Variants in NTM observed in about 807,000 individuals in gnomAD.
NTM encodes neurotrimin.
Under a neutral mutation model 42.1 loss-of-function variants are expected in NTM, and 13 were observed. The ratio of observed to expected loss-of-function variants is 0.31; its 90% CI spans 0.20 to 0.49. NTM has a LOEUF of 0.49. Ranked by LOEUF, NTM falls within the 20% of genes least tolerant of loss-of-function variation. The pLI is 0.99. For missense variants in NTM, 373 were observed against 452.8 expected, an observed-to-expected ratio of 0.82 and a Z score of 1.60; for synonymous variants, 187 against 179.2, an observed-to-expected ratio of 1.04 and a Z score of -0.35.
intron 4 of NTM, among the ~76,000 whole-genome samples, chr11:132,277,488 C>A (rs1349683839): frequency 2.0e-5 from 3 of 152,156 alleles, no homozygotes; most frequent in Non-Finnish European, 2.9e-5. Context: ...AGATTTTCCT[C>A]TAATTTGCTT....
At chr11:131,777,331 G>C (rs967070383) in intron 1 of NTM, among the ~76,000 whole-genome samples, 1 of 151,972 alleles carries the variant, frequency 6.6e-6, no homozygotes, top group Non-Finnish European at 1.5e-5. Context: ...CTTTATTGTG[G>C]ACAATATGAT....
chr11:132,076,001 T>A (rs2058315261), intron 2 of NTM, among the ~76,000 whole-genome samples: 1 of 151,946 alleles, frequency 6.6e-6, no homozygotes, highest in East Asian at 1.9e-4. Context: ...TCATCATTTA[T>A]TTTTTTTAAA....
At chr11:131,385,678 T>A (rs1943228764) in intron 1 of NTM, among the ~76,000 whole-genome samples, 1 of 151,584 alleles carries the variant, frequency 6.6e-6, no homozygotes, top group Non-Finnish European at 1.5e-5. Flanking sequence ...TACAGAAAAA[T>A]CTCATCTCTA....
chr11:132,078,543 G>T (rs781591767), intron 2 of NTM, among the ~76,000 whole-genome samples: 6 of 152,204 alleles, frequency 3.9e-5, no homozygotes, highest in Non-Finnish European at 5.9e-5. Context: ...GAGGGGAACT[G>T]GGAGTCTGAA....
chr11:131,844,135 T>C (rs2044636274), intron 1 of NTM, among the ~76,000 whole-genome samples: 2 of 152,202 alleles, frequency 1.3e-5, no homozygotes, highest in African/African-American at 4.8e-5. Flanking sequence ...CCTGCTTATA[T>C]TTGTATTCTA....
chr11:131,650,400 G>A (rs910044901), intron 1 of NTM, among the ~76,000 whole-genome samples: 1 of 152,184 alleles, frequency 6.6e-6, no homozygotes, highest in Non-Finnish European at 1.5e-5. Context: ...ATGTTGGTCT[G>A]CATTTGTCTT....
chr11:131,880,073 C>T (rs576829936), intron 1 of NTM, among the ~76,000 whole-genome samples: 13 of 152,250 alleles, frequency 8.5e-5, no homozygotes, highest in South Asian at 8.3e-4. Flanking sequence ...CTTTCTATTC[C>T]GCCTCCCTAC....
At chr11:131,543,578 G>A (rs1248845770) in intron 1 of NTM, among the ~76,000 whole-genome samples, 2 of 152,156 alleles carry the variant, frequency 1.3e-5, no homozygotes, top group Non-Finnish European at 2.9e-5. Flanking sequence ...AGACCTTGGG[G>A]GTTTGCCTGG....
chr11:131,598,754 T>TG (rs1565685590), intron 1 of NTM, among the ~76,000 whole-genome samples: 7 of 53,898 alleles, frequency 1.3e-4, no homozygotes, highest in African/African-American at 4.5e-4. Context: ...TTTCTTTCTT[T>TG]CTTCTTTCTT....
chr11:131,815,594 C>T lies in NTM; in HGVS notation c.83-95970C>T, dbSNP rs193210466. Among the ~76,000 whole-genome samples the T allele has an allele frequency of 3.3e-3, 495 of 152,230 alleles. 5 individuals are homozygous for T. The highest frequency in any genetic ancestry group is 0.011 in the African/African-American group (475 of 41,540). ...GAAACCAAATTTGTCCTGTGCTCTG[C>T]AGAGGAAAGGGGGTGGCTTACCCAA... On this transcript the variant is annotated intron_variant, in intron 1 of 8. Transcript: ENST00000683400.
At chr11:131,688,950 C>T (rs978167176) in intron 1 of NTM, among the ~76,000 whole-genome samples, 9 of 152,180 alleles carry the variant, frequency 5.9e-5, no homozygotes, top group African/African-American at 2.2e-4. Flanking sequence ...TGTTAGAGCC[C>T]TGGTGCGTTC....
intron 1 of NTM, among the ~76,000 whole-genome samples, chr11:131,764,566 TGAGC>T (rs1423345049): frequency 6.6e-6 from 1 of 152,204 alleles, no homozygotes; most frequent in Non-Finnish European, 1.5e-5. Flanking sequence ...TGGGTGACCT[TGAGC>T]AAATTACCTA....
At chr11:131,938,172 CAT>C (rs1214627976) in intron 2 of NTM, among the ~76,000 whole-genome samples, 3 of 152,140 alleles carry the variant, frequency 2.0e-5, no homozygotes, top group Non-Finnish European at 4.4e-5. Context: ...AGATGATAAA[CAT>C]ATAATTACAC....
At chr11:131,789,225 T>C (rs2089778504) in intron 1 of NTM, among the ~76,000 whole-genome samples, 1 of 151,754 alleles carries the variant, frequency 6.6e-6, no homozygotes, top group Admixed American at 6.6e-5. Context: ...TGGTTCCCTC[T>C]ACACAAGAGT....
At chr11:131,807,515 G>A (rs990025784) in intron 1 of NTM, among the ~76,000 whole-genome samples, 3 of 152,208 alleles carry the variant, frequency 2.0e-5, no homozygotes, top group Admixed American at 6.5e-5. Flanking sequence ...GTGTCTTTAC[G>A]CAAGTTAATT....
intron 8 of NTM, among the ~76,000 whole-genome samples, chr11:132,334,032 T>A: frequency 6.6e-6 from 1 of 150,726 alleles, no homozygotes; most frequent in East Asian, 1.9e-4. Context: ...CAGCTTTAAA[T>A]ACCTCTATTA....
intron 2 of NTM, among the ~76,000 whole-genome samples, chr11:132,074,181 AT>A (rs1225824860): frequency 6.6e-6 from 1 of 152,218 alleles, no homozygotes; most frequent in Non-Finnish European, 1.5e-5. Flanking sequence ...TTGGTAGGCT[AT>A]TTGAAGCAAA....
At chr11:131,838,657 G>A (rs11222813) in intron 1 of NTM, among the ~76,000 whole-genome samples, 12,038 of 152,194 alleles carry the variant, frequency 0.079, 674 homozygotes, top group Middle Eastern at 0.13. Flanking sequence ...TTGTGTGTGC[G>A]TACAATGTCA....
chr11:131,461,042 T>G (rs753723511), intron 1 of NTM, among the ~76,000 whole-genome samples: 1 of 152,202 alleles, frequency 6.6e-6, no homozygotes, highest in Non-Finnish European at 1.5e-5. Flanking sequence ...ATTCTTCAAA[T>G]AGTTTAGATC....
Sources: allele counts gnomAD v4.1 joint callset (sites outside exome capture counted in the v4.1 genomes callset), GRCh38; gene constraint gnomAD v4.1.1; transcripts MANE v1.5; gene names NCBI Gene and HGNC (gene_info 2026-07-23, HGNC 2026-07-21).